Variants in TPR observed in about 807,000 individuals in gnomAD.
TPR encodes the protein nucleoprotein TPR.
Under a neutral mutation model 316.1 loss-of-function variants are expected in TPR, and 51 were observed. That is an observed-to-expected ratio of 0.16 (90% CI 0.13 to 0.20). The LOEUF is 0.20. Among genes scored for constraint, TPR ranks in the 10% least tolerant of loss-of-function variants. TPR has a pLI of 1.00. For missense variants in TPR, 2,272 were observed against 2,754.8 expected (o/e 0.82, Z 3.92); for synonymous variants, 981 against 914.7 (o/e 1.07, Z -1.31).
chr1:186,364,639 G>A (rs574680050), intron 4 of TPR, among the ~76,000 whole-genome samples: 9 of 152,212 alleles, frequency 5.9e-5, no homozygotes, highest in African/African-American at 2.2e-4. Context: ...AGTAAAGGAT[G>A]GTTTGATAAT....
At chr1:186,363,474 A>G in intron 4 of TPR, 29 bp from the exon 5 acceptor site, 4 of 1,448,096 alleles carry the variant, frequency 2.8e-6, no homozygotes, top group Non-Finnish European at 3.9e-6. Context: ...TTAAAAAATA[A>G]TAACTAATTA....
intron 41 of TPR, 40 bp from the exon 42 acceptor site, chr1:186,325,894 A>C: frequency 6.3e-7 from 1 of 1,594,932 alleles, no homozygotes; most frequent in Non-Finnish European, 8.6e-7. Flanking sequence ...CAAATAAAAT[A>C]AATATGTTAA....
At chr1:186,335,579 A>C (rs1208563552) in intron 33 of TPR, 36 bp from the exon 34 acceptor site, 2 of 1,503,690 alleles carry the variant, frequency 1.3e-6, no homozygotes, top group Admixed American at 4.5e-5. Context: ...TTAATATTAT[A>C]ATCAAACATT....
chr1:186,327,526 A>T lies in TPR; in HGVS notation c.5823T>A (p.Asp1941Glu), dbSNP rs373373897. ...TSSQDGQGKG[D>E]DVIVIDSDDE... ...CATCACTGTCAATTACAATGACATC[A>T]TCTCCTTTGCCTTGACCATCCTGGG... Residue 1941 changes from aspartate (D) to glutamate (E), a missense_variant, in exon 40 of 51, where the codon GAT (aspartate) becomes GAA (glutamate). Asp to Glu is a conservative substitution (Grantham distance 45). Transcript: ENST00000367478. 1 of 1,611,444 alleles carries T rather than the reference A, an allele frequency of 6.2e-7. No homozygotes were observed. Among genetic ancestry groups the T allele is most frequent in the Admixed American group, 1.7e-5 (1 of 59,446 alleles).
At chr1:186,335,185 T>C in intron 34 of TPR, 56 bp from the exon 35 acceptor site, 2 of 1,569,356 alleles carry the variant, frequency 1.3e-6, no homozygotes, top group South Asian at 2.3e-5. Flanking sequence ...CCACTAAAAA[T>C]GCCACAAAAA....
Position 186,320,522 on chromosome 1 carries a change from T to C in TPR, c.6462-104A>G. 2.1e-6 allele frequency: 2 copies of C among 930,930 alleles called. 1 individual carries two copies. The highest frequency in any genetic ancestry group is 3.8e-5 in the South Asian group (2 of 52,126). The allele number at this position is 930,930 out of a possible 1,614,324, so 57.7% of individuals were successfully genotyped here. On this transcript the variant is annotated intron_variant, in intron 45 of 50. Transcript: ENST00000367478. ...GAAGGAAGAATGAACATCAACAAAC[T>C]GGGAAGGAAACAGATTGAAAATAAA...
In TPR at chr1:186,375,074, A is replaced by G. The variant is rs756282655; in HGVS notation, c.-46T>C. On this transcript the variant is annotated 5_prime_UTR_variant, in exon 1 of 51. Coordinates refer to ENST00000367478, the MANE Select transcript of TPR (RefSeq NM_003292.3). Reference sequence around the variant, plus strand: ...CAGTGGCAGCGGCCGACGGGGTAGAAGCGGAGAAGAAAGGCGAAGACCAGC... The same window carrying G: ...CAGTGGCAGCGGCCGACGGGGTAGAGGCGGAGAAGAAAGGCGAAGACCAGC... 4 of 1,612,210 alleles carry G rather than the reference A, an allele frequency of 2.5e-6. No individual in the cohort carries two copies. In the South Asian group the frequency reaches 4.4e-5, roughly 18 times the overall value.
rs1657272538 is a variant in TPR, at chr1:186,311,934, A to G, written c.*2037T>C. 2 of 541,998 alleles carry G rather than the reference A, an allele frequency of 3.7e-6. No homozygotes were observed. Among genetic ancestry groups the G allele is most frequent in the Non-Finnish European group, 6.5e-6 (2 of 308,154 alleles). 33.6% of individuals were successfully genotyped at this position (541,998 alleles called of 1,614,324 possible). Reference sequence around the variant, plus strand: ...TGTGCTGCCAAACTGAGCACTTGTCACTTTCAATTGAAATTAAATATATAA... The same window carrying G: ...TGTGCTGCCAAACTGAGCACTTGTCGCTTTCAATTGAAATTAAATATATAA... On this transcript the variant is annotated 3_prime_UTR_variant, in exon 51 of 51. Transcript: ENST00000367478.
At chr1:186,371,644 T>C (rs1325705483) in intron 2 of TPR, among the ~76,000 whole-genome samples, 1 of 152,206 alleles carries the variant, frequency 6.6e-6, no homozygotes, top group Non-Finnish European at 1.5e-5. Flanking sequence ...TTAAAATTTT[T>C]CCAAAAATAT....
chr1:186,367,751 A>G (rs978809030), intron 4 of TPR, 135 bp downstream of exon 4: 5 of 538,054 alleles, frequency 9.3e-6, no homozygotes, highest in Non-Finnish European at 1.6e-5. Context: ...TAGGAGAAAT[A>G]ATAGGATATG....
At position 186,327,622 on chromosome 1, in the gene TPR, A is replaced by C; in HGVS notation, c.5727T>G (p.Ser1909Arg). Residue 1909 changes from serine to arginine, a missense_variant, in exon 40 of 51, where the codon AGT becomes AGG. Physicochemically the swap from Ser to Arg is moderately radical, Grantham distance 110. This residue lies in a region of TPR where 435 missense variants were observed against 461.1 expected (regional missense o/e 0.94). Coordinates refer to ENST00000367478, the MANE Select transcript of TPR (RefSeq NM_003292.3). ...TQGDYTPMED[S>R]EETSQSLQID... is the part of the protein sequence containing the mutation. Reference sequence around the variant, plus strand: ...TTTGTAGAGACTGAGAGGTTTCTTCACTGTCTTCCATAGGTGTATAATCTC... The same window carrying C: ...TTTGTAGAGACTGAGAGGTTTCTTCCCTGTCTTCCATAGGTGTATAATCTC... 6.2e-7 allele frequency: 1 copy of C among 1,613,204 alleles called. No homozygotes were observed. Among genetic ancestry groups the C allele is most frequent in the Non-Finnish European group, 8.5e-7 (1 of 1,179,774 alleles).
Position 186,312,789 on chromosome 1 carries a change from A to G in TPR, c.*1182T>C. On this transcript the variant is annotated 3_prime_UTR_variant, in exon 51 of 51. Transcript: ENST00000367478. ...TACAGGTGTCCTTCATAATGAAGTT[A>G]AAGTGAGTATACTGTGGAGAGGACT... The G allele has an allele frequency of 6.2e-7, 1 of 1,613,048 alleles. No individual in the cohort carries two copies. Among genetic ancestry groups the G allele is most frequent in the Non-Finnish European group, 8.5e-7 (1 of 1,179,026 alleles).
chr1:186,372,602 A>C (rs1484804538), intron 2 of TPR, among the ~76,000 whole-genome samples: 1 of 152,138 alleles, frequency 6.6e-6, no homozygotes, highest in East Asian at 1.9e-4. Flanking sequence ...TAATGTTCTG[A>C]TGTTTGCTTT....
chr1:186,319,384 CA>C (rs1400628917), intron 46 of TPR, among the ~76,000 whole-genome samples: 1 of 152,134 alleles, frequency 6.6e-6, no homozygotes, highest in Non-Finnish European at 1.5e-5. Flanking sequence ...GAGTTTCATA[CA>C]AGCTAATTTT....
At chr1:186,329,498 A>G (rs1658093576) in intron 39 of TPR, among the ~76,000 whole-genome samples, 1 of 152,166 alleles carries the variant, frequency 6.6e-6, no homozygotes, top group South Asian at 2.1e-4. Flanking sequence ...ACACAGCCTG[A>G]AGTTTATACA....
At chr1:186,353,295 C>T (rs1161183881) in intron 18 of TPR, among the ~76,000 whole-genome samples, 1 of 151,846 alleles carries the variant, frequency 6.6e-6, no homozygotes, top group Non-Finnish European at 1.5e-5. Flanking sequence ...TGGCGTAAAC[C>T]CGGGAGGCGG....
intron 30 of TPR, among the ~76,000 whole-genome samples, chr1:186,339,090 G>C (rs1658424887): frequency 6.6e-6 from 1 of 152,042 alleles, no homozygotes; most frequent in Admixed American, 6.6e-5. Flanking sequence ...TAATTTTAAA[G>C]GGGCAATACT....
chr1:186,314,427 C>T (rs1211238840), intron 50 of TPR: 8 of 383,404 alleles, frequency 2.1e-5, no homozygotes, highest in African/African-American at 2.1e-5. Flanking sequence ...AATATAAGCA[C>T]ATATTTATTA....
chr1:186,312,592 A>G lies in TPR; in HGVS notation c.*1379T>C. ...AGCAGTTTGTTCAGGTTTGTTAGTT[A>G]TAACCAATACTATTTATCAAGTACT... is the stretch of plus-strand genomic sequence containing the variant. On this transcript the variant is annotated 3_prime_UTR_variant, in exon 51 of 51. Coordinates refer to ENST00000367478, the MANE Select transcript of TPR (RefSeq NM_003292.3). 1 of 788,352 alleles carries G rather than the reference A, an allele frequency of 1.3e-6. No individual in the cohort carries two copies. 48.8% of individuals were successfully genotyped at this position (788,352 alleles called of 1,614,324 possible). A position where few individuals can be genotyped will look rare whatever the true frequency, so the allele number is the denominator to read the frequency against.
Sources: allele counts gnomAD v4.1 joint callset (sites outside exome capture counted in the v4.1 genomes callset), GRCh38; gene constraint gnomAD v4.1.1; regional missense constraint gnomAD v4.1.1; transcripts MANE v1.5; gene names NCBI Gene and HGNC (gene_info 2026-07-23, HGNC 2026-07-21).